Variants in GRID1 observed in about 807,000 individuals in gnomAD.
GRID1 encodes glutamate receptor ionotropic, delta-1.
Under a neutral mutation model 98.0 loss-of-function variants are expected in GRID1, and 28 were observed. That is an observed-to-expected ratio of 0.29 (90% CI 0.21 to 0.39). The LOEUF is 0.39. GRID1 is among the 10% of genes least tolerant of loss of function. The pLI is 1.00. For missense variants in GRID1, 1,111 were observed against 1,340.5 expected (o/e 0.83, Z 2.67); for synonymous variants, 553 against 538.5 (o/e 1.03, Z -0.37).
rs565910302 is a variant in GRID1 at position 86,128,735 on chromosome 10, C to A, written c.726+10084G>T. ...ACATCCCAAACTTCAGAATGTTGAC[C>A]TTGCCCAGGGTCACAGAAGATTTTT... On this transcript the variant is annotated intron_variant, in intron 4 of 15. Transcript: ENST00000327946. 2.0e-5 allele frequency among the ~76,000 whole-genome samples: 3 copies of A among 152,334 alleles called. No individual in the cohort carries two copies. The South Asian group carries it at 6.2e-4, about 32-fold the overall frequency.
intron 2 of GRID1, among the ~76,000 whole-genome samples, chr10:86,355,479 G>T (rs1393478560): frequency 6.6e-6 from 1 of 152,230 alleles, no homozygotes; most frequent in Non-Finnish European, 1.5e-5. Flanking sequence ...TGGAGGAGAA[G>T]GGGCAGCCTG....
In GRID1 at chr10:85,599,802, A is replaced by AAAAAAAAAATATATATATATAT; in HGVS notation, c.*2470_*2471insATATATATATATATTTTTTTTT. 1 of 65,000 alleles carries AAAAAAAAAATATATATATATAT rather than the reference A, an allele frequency of 1.5e-5. No homozygotes were observed. The highest frequency in any genetic ancestry group is 1.7e-4 in the Admixed American group (1 of 5,844). The allele number at this position is 65,000 out of a possible 1,614,324, so 4.0% of individuals were successfully genotyped here. The stretch of plus-strand genomic sequence containing the variant: ...GTAGAAAATTCTAAAAAAAAAAAAA[A>AAAAAAAAAATATATATATATAT]ATATATATATATATATATAAACATG... On this transcript the variant is annotated 3_prime_UTR_variant, in exon 16 of 16. Transcript: ENST00000327946.
At chr10:85,611,874 G>T (rs1471972568) in intron 15 of GRID1, among the ~76,000 whole-genome samples, 2 of 152,244 alleles carry the variant, frequency 1.3e-5, no homozygotes, top group Non-Finnish European at 2.9e-5. Context: ...AGCCAAAGAA[G>T]CTTGGGACAG....
rs369875717 is a variant in GRID1, at chr10:85,836,541, C to T, written c.1233+17955G>A. On this transcript the variant is annotated intron_variant, in intron 8 of 15. Coordinates refer to ENST00000327946, the MANE Select transcript of GRID1 (RefSeq NM_017551.3). ...CTCTGGATTCCAGGCAGGAGAGGACCCCTTGACCATCACGGACACTTGAGA... is the reference window on the plus strand; with the variant it reads ...CTCTGGATTCCAGGCAGGAGAGGACTCCTTGACCATCACGGACACTTGAGA... Among the ~76,000 whole-genome samples, 3 of 152,252 alleles carry T rather than the reference C, an allele frequency of 2.0e-5. No homozygotes were observed. The East Asian group carries it at 5.8e-4, about 29-fold the overall frequency.
intron 4 of GRID1, among the ~76,000 whole-genome samples, chr10:85,946,935 AT>A (rs1367110821): frequency 6.6e-6 from 1 of 152,212 alleles, no homozygotes; most frequent in East Asian, 1.9e-4. Flanking sequence ...CAATGCGGAA[AT>A]GTGGATGACT....
intron 5 of GRID1, among the ~76,000 whole-genome samples, chr10:85,873,168 C>T (rs1286340704): frequency 2.0e-5 from 3 of 152,148 alleles, no homozygotes; most frequent in African/African-American, 7.2e-5. Context: ...GGCTGCATTT[C>T]CTGGCTGCAC....
At chr10:86,071,055 T>C (rs544317736) in intron 4 of GRID1, among the ~76,000 whole-genome samples, 19 of 152,240 alleles carry the variant, frequency 1.2e-4, no homozygotes, top group African/African-American at 4.6e-4. Flanking sequence ...CCTCAGCTTA[T>C]CTGCTTCCAG....
At chr10:85,975,228 CA>C in intron 4 of GRID1, among the ~76,000 whole-genome samples, 1 of 152,228 alleles carries the variant, frequency 6.6e-6, no homozygotes, top group East Asian at 1.9e-4. Context: ...CTAATCTGCA[CA>C]ACCCGAAAAG....
chr10:85,840,551 C>T (rs1842952448), intron 8 of GRID1, among the ~76,000 whole-genome samples: 1 of 152,252 alleles, frequency 6.6e-6, no homozygotes, highest in East Asian at 1.9e-4. Context: ...TAAACTATCC[C>T]TGTTTGCAGA....
intron 4 of GRID1, among the ~76,000 whole-genome samples, chr10:86,046,879 A>AAAG (rs1156760980): frequency 1.3e-5 from 2 of 151,820 alleles, no homozygotes; most frequent in Non-Finnish European, 2.9e-5. Flanking sequence ...AAAAAAAAAA[A>AAAG]AAGACAGAGA....
intron 13 of GRID1, among the ~76,000 whole-genome samples, chr10:85,624,357 T>A (rs1230885023): frequency 6.6e-6 from 1 of 152,208 alleles, no homozygotes; most frequent in African/African-American, 2.4e-5. Context: ...CATGGATCAA[T>A]GCCTTAGCAT....
chr10:86,041,089 T>C (rs533870395), intron 4 of GRID1, among the ~76,000 whole-genome samples: 2 of 152,350 alleles, frequency 1.3e-5, no homozygotes, highest in African/African-American at 2.4e-5. Context: ...CTTGCTTACA[T>C]GTGTCATGCA....
intron 4 of GRID1, among the ~76,000 whole-genome samples, chr10:86,031,007 G>A (rs1405079147): frequency 1.3e-5 from 2 of 152,068 alleles, no homozygotes; most frequent in Admixed American, 6.5e-5. Flanking sequence ...ACCAATCTGT[G>A]AGCCCTATGT....
chr10:86,334,531 T>G (rs1219756550), intron 2 of GRID1, among the ~76,000 whole-genome samples: 3 of 152,300 alleles, frequency 2.0e-5, no homozygotes, highest in Non-Finnish European at 4.4e-5. Flanking sequence ...TTTTCAGGCC[T>G]CCACACCTTT....
At position 85,837,640 on chromosome 10, in the gene GRID1, A is replaced by G. The variant is rs541273931; in HGVS notation, c.1233+16856T>C. Among the ~76,000 whole-genome samples, 5 of 80,710 alleles carry G rather than the reference A, an allele frequency of 6.2e-5. No homozygotes were observed. In the South Asian group the frequency reaches 1.7e-3, roughly 27 times the overall value. The allele number at this position is 80,710 out of a possible 152,430, so 52.9% of individuals were successfully genotyped here. A position where few individuals can be genotyped will look rare whatever the true frequency, so the allele number is the denominator to read the frequency against. On this transcript the variant is annotated intron_variant, in intron 8 of 15. Coordinates refer to ENST00000327946, the MANE Select transcript of GRID1 (RefSeq NM_017551.3). ...AGTCATCGAATAGGACAAAAGGAGA[A>G]AAAAAAAAAACCATCCAGAGGTCAG...
chr10:85,648,703 C>G (rs1234920036), intron 12 of GRID1, among the ~76,000 whole-genome samples: 1 of 152,184 alleles, frequency 6.6e-6, no homozygotes, highest in African/African-American at 2.4e-5. Flanking sequence ...GCCTGGAATC[C>G]CTTTATCTCC....
chr10:85,804,176 A>G (rs938927779), intron 8 of GRID1, among the ~76,000 whole-genome samples: 5 of 151,736 alleles, frequency 3.3e-5, no homozygotes, highest in African/African-American at 1.2e-4. Flanking sequence ...AGCATAAATT[A>G]CCCATCTAGG....
intron 15 of GRID1, 120 bp downstream of exon 15, chr10:85,613,287 T>C: frequency 2.1e-6 from 2 of 952,844 alleles, no homozygotes; most frequent in South Asian, 3.5e-5. Flanking sequence ...AAAACACTGC[T>C]GCCTCCAGAC....
At chr10:86,273,581 C>A (rs1303795299) in intron 2 of GRID1, among the ~76,000 whole-genome samples, 24 of 151,548 alleles carry the variant, frequency 1.6e-4, no homozygotes, top group African/African-American at 5.8e-4. Context: ...CCTGTTGTTT[C>A]CTGACTTTTT....
Sources: gnomAD v4.1 joint callset for allele counts (sites outside exome capture counted in the v4.1 genomes callset) on GRCh38, gnomAD v4.1.1 for gene constraint, MANE v1.5 for transcripts, NCBI Gene and HGNC (gene_info 2026-07-23, HGNC 2026-07-21) for gene names.